The following WWOX variants were observed in gnomAD, a reference collection of about 807,000 sequenced individuals.
WWOX encodes the protein WW domain-containing oxidoreductase.
A neutral mutation model predicts 46.2 loss-of-function variants in WWOX; 69 were observed. The observed-to-expected ratio is 1.49, with a 90% CI of 1.23 to 1.82. The LOEUF (loss-of-function observed/expected upper bound fraction) is 1.82, where lower values mean the gene tolerates loss of function less well. WWOX is among the 40% of genes most tolerant of loss of function. The pLI, the probability that WWOX is intolerant of heterozygous loss-of-function variation, is 0.00. For missense variants in WWOX, 919 were observed against 542.6 expected (o/e 1.69, Z -6.89); for synonymous variants, 359 against 202.6 (o/e 1.77, Z -6.56).
intron 4 of WWOX, among the ~76,000 whole-genome samples, chr16:78,154,008 C>T (rs1328489133): frequency 2.0e-5 from 3 of 152,096 alleles, no homozygotes; most frequent in Admixed American, 1.3e-4. Flanking sequence ...CCTGTCCAAC[C>T]TACCAGTGAG....
chr16:78,119,920 C>G (rs777672289), intron 4 of WWOX, among the ~76,000 whole-genome samples: 3 of 152,098 alleles, frequency 2.0e-5, no homozygotes, highest in Non-Finnish European at 4.4e-5. Context: ...GTTTCTTTCA[C>G]CTTGCGAACC....
At chr16:78,671,143 C>A (rs534766361) in intron 8 of WWOX, among the ~76,000 whole-genome samples, 1 of 152,144 alleles carries the variant, frequency 6.6e-6, no homozygotes, top group African/African-American at 2.4e-5. Context: ...TGCTGTTGGG[C>A]CAGGTACAGT....
intron 8 of WWOX, among the ~76,000 whole-genome samples, chr16:79,042,728 G>GTTTTTTTTTTT (rs11379084): frequency 1.4e-5 from 2 of 143,122 alleles, no homozygotes. Flanking sequence ...AATACTCAGG[G>GTTTTTTTTTTT]TTTTTTTTTT....
At chr16:79,195,710 T>C (rs372862009) in intron 8 of WWOX, among the ~76,000 whole-genome samples, 1 of 152,168 alleles carries the variant, frequency 6.6e-6, no homozygotes, top group Non-Finnish European at 1.5e-5. Context: ...TGTGAAGGAA[T>C]GGCAATGATA....
intron 8 of WWOX, among the ~76,000 whole-genome samples, chr16:78,720,658 G>A (rs1038339504): frequency 6.6e-6 from 1 of 151,910 alleles, no homozygotes; most frequent in Admixed American, 6.6e-5. Flanking sequence ...TGAATATGAG[G>A]CTCTGACTAT....
chr16:78,633,129 G>A (rs1329725404), intron 8 of WWOX, among the ~76,000 whole-genome samples: 1 of 152,090 alleles, frequency 6.6e-6, no homozygotes, highest in East Asian at 2.0e-4. Flanking sequence ...GGGTGTGGTG[G>A]CGTGTGCCTG....
chr16:78,525,709 C>G (rs1400855502), intron 8 of WWOX: 1 of 151,954 alleles, frequency 6.6e-6, no homozygotes, highest in Admixed American at 6.6e-5. Context: ...ATTCAATGAC[C>G]GAGAATCTAC....
chr16:79,072,524 A>G (rs925118030), intron 8 of WWOX, among the ~76,000 whole-genome samples: 1 of 152,242 alleles, frequency 6.6e-6, no homozygotes, highest in African/African-American at 2.4e-5. Context: ...CCATTCATCT[A>G]GATCTCATTA....
In WWOX at chr16:79,064,755, C is replaced by G. The variant is rs184153287; in HGVS notation, c.1057-146853C>G. 2.6e-5 allele frequency among the ~76,000 whole-genome samples: 4 copies of G among 152,214 alleles called. No homozygotes were observed. In the East Asian group the frequency reaches 7.7e-4, roughly 29 times the overall value. ...GGGCTACTATTCCATGTGTGTGGGTCAGGAGACGCTTAAGGCATTCACAGC... is the reference window on the plus strand; with the variant it reads ...GGGCTACTATTCCATGTGTGTGGGTGAGGAGACGCTTAAGGCATTCACAGC... On this transcript the variant is annotated intron_variant, in intron 8 of 8. Transcript: ENST00000566780.
chr16:78,731,506 T>C lies in WWOX; in HGVS notation c.1056+298754T>C, dbSNP rs757725366. Among the ~76,000 whole-genome samples, 4 of 152,214 alleles carry C rather than the reference T, an allele frequency of 2.6e-5. No individual in the cohort carries two copies. In the East Asian group the frequency reaches 7.7e-4, roughly 29 times the overall value. On this transcript the variant is annotated intron_variant, in intron 8 of 8. Transcript: ENST00000566780. ...AAGCCTCTGTTCTTTCTTGTTTCCC[T>C]TTGTTAATTCCTTTTTCCTTTCATT... is the stretch of plus-strand genomic sequence containing the variant.
chr16:78,653,527 C>T (rs898908987), intron 8 of WWOX, among the ~76,000 whole-genome samples: 5 of 152,192 alleles, frequency 3.3e-5, no homozygotes, highest in Admixed American at 6.5e-5. Flanking sequence ...AGGAAGGTTT[C>T]CTACTCCTAA....
intron 8 of WWOX, among the ~76,000 whole-genome samples, chr16:78,665,505 G>T (rs1009648249): frequency 6.6e-6 from 1 of 152,100 alleles, no homozygotes; most frequent in African/African-American, 2.4e-5. Flanking sequence ...GGCAAGAGAC[G>T]TGTGTCTCCT....
chr16:78,476,284 G>T (rs535820114), intron 8 of WWOX, among the ~76,000 whole-genome samples: 12 of 152,178 alleles, frequency 7.9e-5, no homozygotes, highest in Non-Finnish European at 1.6e-4. Context: ...TTTGAGAAGT[G>T]TCTGATCATA....
At chr16:78,388,599 A>T (rs958118225) in intron 6 of WWOX, among the ~76,000 whole-genome samples, 3 of 138,728 alleles carry the variant, frequency 2.2e-5, no homozygotes, top group African/African-American at 8.3e-5. Context: ...GTGAGCCAAG[A>T]TGGCACCACT....
Position 79,191,240 on chromosome 16 carries a change from G to GA in WWOX, c.1057-20367dup, listed in dbSNP as rs1182910156. Among the ~76,000 whole-genome samples the GA allele has an allele frequency of 2.6e-5, 4 of 151,562 alleles. No individual in the cohort carries two copies. In the South Asian group the frequency reaches 8.3e-4, roughly 32 times the overall value. ...GGCTAATTTTTTTTGTATTTTAGCA[G>GA]AGACAGGGTTTCACCGTGTTGCCCA... On this transcript the variant is annotated intron_variant, in intron 8 of 8. Transcript: ENST00000566780.
intron 5 of WWOX, among the ~76,000 whole-genome samples, chr16:78,336,097 A>G (rs2080882329): frequency 6.6e-6 from 1 of 151,830 alleles, no homozygotes; most frequent in East Asian, 1.9e-4. Flanking sequence ...GTCTCAAAAA[A>G]CGAAAAACAA....
At chr16:78,558,928 G>C (rs886340187) in intron 8 of WWOX, among the ~76,000 whole-genome samples, 3 of 152,160 alleles carry the variant, frequency 2.0e-5, no homozygotes, top group Non-Finnish European at 2.9e-5. Flanking sequence ...TACAACCATG[G>C]TCATTTTGTG....
intron 8 of WWOX, among the ~76,000 whole-genome samples, chr16:78,758,343 A>G (rs906192789): frequency 6.6e-6 from 1 of 152,204 alleles, no homozygotes; most frequent in East Asian, 1.9e-4. Context: ...ATTAAAAACC[A>G]AAGCAAGATC....
At chr16:78,853,144 A>T (rs184756236) in intron 8 of WWOX, among the ~76,000 whole-genome samples, 6 of 152,360 alleles carry the variant, frequency 3.9e-5, no homozygotes, top group African/African-American at 7.2e-5. Flanking sequence ...ACTATACGTT[A>T]TAACAATATG....
Sources: allele counts gnomAD v4.1 joint callset (sites outside exome capture counted in the v4.1 genomes callset), GRCh38; gene constraint gnomAD v4.1.1; transcripts MANE v1.5; gene names NCBI Gene and HGNC (gene_info 2026-07-23, HGNC 2026-07-21).